Variants in CFAP46 observed in about 807,000 individuals in gnomAD.
The protein encoded by CFAP46 is cilia- and flagella-associated protein 46.
In CFAP46, 245 loss-of-function variants were observed where a neutral mutation model predicts 325.7. That is an observed-to-expected ratio of 0.75 (90% CI 0.68 to 0.84). CFAP46 has a LOEUF of 0.84. Ranked by LOEUF, CFAP46 falls within the 40% of genes least tolerant of loss-of-function variation. The pLI is 0.00. For synonymous variants in CFAP46, 1,523 were observed against 1,495.9 expected (o/e 1.02, Z -0.42); for missense variants, 3,346 against 3,543.0 (o/e 0.94, Z 1.41).
intron 50 of CFAP46, among the ~76,000 whole-genome samples, chr10:132,825,706 T>C (rs1377752323): frequency 6.6e-6 from 1 of 152,096 alleles, no homozygotes; most frequent in Non-Finnish European, 1.5e-5. Flanking sequence ...GAGAAGACAT[T>C]TGTCATTCAT....
chr10:132,852,151 G>A (rs1276986176), intron 39 of CFAP46, among the ~76,000 whole-genome samples: 6 of 133,618 alleles, frequency 4.5e-5, no homozygotes, highest in South Asian at 2.8e-4. Context: ...ATCCACAGAC[G>A]TGGTATGTTC....
rs943586155 is a variant in CFAP46, at chr10:132,808,744, C to CAAGT, written c.7821_7824dup (p.Ala2609ThrfsTer?). ...AGAGGGGCAGAGCCAAGGGCAGAGG[C>CAAGT]AAGTGCTGGGGCCCCAGCAGCTGAT... On this transcript the variant is annotated frameshift_variant, in exon 58 of 58. Coordinates refer to ENST00000368586, the MANE Select transcript of CFAP46 (RefSeq NM_001200049.3). LOFTEE classifies it low-confidence loss of function (END_TRUNC). This position sits in a 1 kb window ranked among gnomAD's most constrained non-coding sequence, Gnocchi z 6.8. The CAAGT allele has an allele frequency of 6.3e-7, 1 of 1,576,384 alleles. No homozygotes were observed. The highest frequency in any genetic ancestry group is 8.6e-7 in the Non-Finnish European group (1 of 1,161,330).
In CFAP46 at chr10:132,814,237, A is replaced by G; in HGVS notation, c.7303T>C (p.Ser2435Pro). 1.9e-6 allele frequency: 3 copies of G among 1,613,646 alleles called. No individual in the cohort carries two copies. Among genetic ancestry groups the G allele is most frequent in the Non-Finnish European group, 2.5e-6 (3 of 1,179,764 alleles). Residue 2435 changes from serine to proline, a missense_variant, in exon 54 of 58, where the codon TCC (serine) becomes CCC (proline). By Grantham distance (74) the Ser-to-Pro change is moderately conservative (BLOSUM62 -1). Coordinates refer to ENST00000368586, the MANE Select transcript of CFAP46 (RefSeq NM_001200049.3). ...CTTTCCAAAATGTCTTGGGTGATGG[A>G]GACAGGAGTTAGCATTTCTGCAAGG... ...AQGPEMLTPVSITQDILERFQ... is the reference protein window; with the variant it reads ...AQGPEMLTPVPITQDILERFQ...
At chr10:132,844,764 C>A (rs1425631420) in intron 44 of CFAP46, among the ~76,000 whole-genome samples, 1 of 152,156 alleles carries the variant, frequency 6.6e-6, no homozygotes. Context: ...CCATGACTCC[C>A]GTGCCCAGCT....
chr10:132,830,184 C>T (rs911255004), intron 50 of CFAP46, among the ~76,000 whole-genome samples: 1 of 151,888 alleles, frequency 6.6e-6, no homozygotes, highest in Admixed American at 6.6e-5. Context: ...CGCTCTGTCA[C>T]CCAGGCTGGA....
chr10:132,882,927 G>A (rs924989625), intron 27 of CFAP46, among the ~76,000 whole-genome samples: 8 of 152,216 alleles, frequency 5.3e-5, no homozygotes, highest in East Asian at 1.9e-4. Flanking sequence ...ACAGAAGTGC[G>A]GGGCCAGCTG....
In CFAP46 at chr10:132,885,935, C is replaced by G; in HGVS notation, c.3329G>C (p.Arg1110Pro). ...GAAGAGCAGGCCGTAGAGCGCAGCA[C>G]GGAGCGCCAGGTCGTCCTCAGCCCC... is the stretch of plus-strand genomic sequence containing the variant. The part of the protein sequence containing the change: ...LPGAEDDLAL[R>P]AALYGLLFHS... The change falls in exon 26 of 58, where the codon CGT becomes CCT. Residue 1110 changes from arginine to proline, a missense_variant. By Grantham distance (103) the Arg-to-Pro change is moderately radical. Transcript: ENST00000368586. The G allele has an allele frequency of 6.5e-7, 1 of 1,550,200 alleles. No homozygotes were observed.
intron 50 of CFAP46, among the ~76,000 whole-genome samples, chr10:132,820,232 C>G (rs749990479): frequency 6.6e-6 from 1 of 152,186 alleles, no homozygotes; most frequent in African/African-American, 2.4e-5. Context: ...GAGGACATCA[C>G]GCAAAGTGAA....
rs1849582356 is a variant in CFAP46 at position 132,913,244 on chromosome 10, C to G, written c.2135G>C (p.Ser712Thr). Residue 712 changes from serine to threonine, a missense_variant, in exon 18 of 58, where the codon AGT becomes ACT. Physicochemically the swap from Ser to Thr is moderately conservative, Grantham distance 58. Transcript: ENST00000368586. ...EWITYRTWIE[S>T]LSRCAMNNWL... The stretch of plus-strand genomic sequence containing the variant: ...GTTATTCATGGCACACCGGGACAGA[C>G]TCTCGATCCAGGTTCTGCAAAACGA... 1.9e-6 allele frequency: 3 copies of G among 1,550,348 alleles called. No individual in the cohort carries two copies. In the East Asian group the frequency reaches 7.3e-5, roughly 38 times the overall value.
In CFAP46 at chr10:132,869,579, G is replaced by A. The variant is rs556940312; in HGVS notation, c.4512-207C>T. 6.6e-6 allele frequency among the ~76,000 whole-genome samples: 1 copy of A among 152,256 alleles called. No individual in the cohort carries two copies. Among genetic ancestry groups the A allele is most frequent in the East Asian group, 1.9e-4 (1 of 5,186 alleles). On this transcript the variant is annotated intron_variant, in intron 32 of 57. Transcript: ENST00000368586. The surrounding 1 kb of genome is among the most constrained non-coding windows in gnomAD (Gnocchi z 6.2). ...AAATTTCAAGTGGGATTCTTCTCCC[G>A]CTCCTTCACAGATCTCGTGCGAGGC...
rs1289253414 is a variant in CFAP46, at chr10:132,908,597, G to A, written c.2795C>T (p.Pro932Leu). The change falls in exon 22 of 58, where the codon CCC becomes CTC. Residue 932 changes from proline (P) to leucine (L), a missense_variant. By Grantham distance (98) the Pro-to-Leu change is moderately conservative (BLOSUM62 -3). Transcript: ENST00000368586. ...CGTCAGGGTCTGCAGCTCCACCAGG[G>A]GGTCCGACCAGTTGCACTCGGAAGC... The part of the protein sequence containing the change: ...KMASECNWSD[P>L]LVELQTLTRL... The A allele has an allele frequency of 6.5e-7, 1 of 1,547,542 alleles. No homozygotes were observed. Among genetic ancestry groups the A allele is most frequent in the Non-Finnish European group, 8.7e-7 (1 of 1,145,356 alleles).
At chr10:132,855,368 C>T (rs1286910027) in intron 39 of CFAP46, among the ~76,000 whole-genome samples, 4 of 152,180 alleles carry the variant, frequency 2.6e-5, no homozygotes, top group African/African-American at 9.7e-5. Context: ...TTAGTGTTAG[C>T]ATGGTACATT....
intron 8 of CFAP46, among the ~76,000 whole-genome samples, chr10:132,930,986 C>A (rs369226320): frequency 1.7e-3 from 229 of 131,410 alleles, no homozygotes; most frequent in Middle Eastern, 7.9e-3. Context: ...TCCCTACACT[C>A]CCCACACAGA....
In CFAP46 at chr10:132,916,590, C is replaced by T. The variant is rs1339585947; in HGVS notation, c.2079G>A (p.Val693=). The T allele has an allele frequency of 2.6e-6, 4 of 1,547,422 alleles. No individual in the cohort carries two copies. In the African/African-American group the frequency reaches 4.1e-5, roughly 16 times the overall value. ...CAGCATTCACCTCCGGGGGCTCAGG[C>T]ACGTAGCCAGCTGGGTGCTGGCTCA... ...EDLSQHPAGY[V]PEPPEVNAEW... is the part of the protein sequence containing the mutation. Residue 693 remains valine (V), a synonymous_variant, in exon 17 of 58, where the codon GTG becomes GTA. Coordinates refer to ENST00000368586, the MANE Select transcript of CFAP46 (RefSeq NM_001200049.3).
At position 132,876,055 on chromosome 10, in the gene CFAP46, C is replaced by T. The variant is rs1848953418; in HGVS notation, c.4362+757G>A. On this transcript the variant is annotated intron_variant, in intron 31 of 57. Transcript: ENST00000368586. The surrounding 1 kb of genome is among the most constrained non-coding windows in gnomAD (Gnocchi z 4.1). ...AAGCTTAATTAAATATGGGCGACAG[C>T]CTGGAGGGCACATCACAAAAGAGGA... Among the ~76,000 whole-genome samples the T allele has an allele frequency of 6.6e-6, 1 of 152,226 alleles. No homozygotes were observed. The highest frequency in any genetic ancestry group is 2.1e-4 in the South Asian group (1 of 4,830).
chr10:132,826,053 T>G (rs9663757), intron 50 of CFAP46, among the ~76,000 whole-genome samples: 8,481 of 36,446 alleles, frequency 0.23, 1,125 homozygotes, highest in Middle Eastern at 0.39. Flanking sequence ...GCAGGAGCCG[T>G]AGCCACAGAG....
intron 32 of CFAP46, among the ~76,000 whole-genome samples, chr10:132,872,059 T>G (rs1848902023): frequency 6.6e-6 from 1 of 152,222 alleles, no homozygotes; most frequent in Non-Finnish European, 1.5e-5. Flanking sequence ...ACACACTTAA[T>G]AGACTACAGA....
intron 39 of CFAP46, among the ~76,000 whole-genome samples, chr10:132,851,816 A>G (rs1318090926): frequency 6.6e-6 from 1 of 152,260 alleles, no homozygotes; most frequent in African/African-American, 2.4e-5. Flanking sequence ...ATTCATGTGC[A>G]AGGTATCCAC....
Position 132,910,052 on chromosome 10 carries a change from AG to A in CFAP46, c.2515del (p.Leu839Ter). On this transcript the variant is annotated frameshift_variant, in exon 20 of 58. Coordinates refer to ENST00000368586, the MANE Select transcript of CFAP46 (RefSeq NM_001200049.3). LOFTEE classifies it high-confidence loss of function. ...KTAVEVCEFA[L>X]NLTNGSAPEE... ...GGGCGCACTCCCATTGGTCAGGTTCAGGGCAAACTCGCAGACCTAGGACAGA... is the reference window on the plus strand; with the variant it reads ...GGGCGCACTCCCATTGGTCAGGTTCAGGCAAACTCGCAGACCTAGGACAGA... 6.6e-7 allele frequency: 1 copy of A among 1,506,764 alleles called. No homozygotes were observed. The highest frequency in any genetic ancestry group is 8.9e-7 in the Non-Finnish European group (1 of 1,129,124). The allele number at this position is 1,506,764 out of a possible 1,614,324, so 93.3% of individuals were successfully genotyped here. A position where few individuals can be genotyped will look rare whatever the true frequency, so the allele number is the denominator to read the frequency against.
Sources: gnomAD v4.1 joint callset for allele counts (sites outside exome capture counted in the v4.1 genomes callset) on GRCh38, gnomAD v4.1.1 for gene constraint, Gnocchi (gnomAD v3.1) non-coding constraint, MANE v1.5 for transcripts, NCBI Gene and HGNC (gene_info 2026-07-23, HGNC 2026-07-21) for gene names.